Variants in CTNNA3 observed in about 807,000 individuals in gnomAD.
CTNNA3 encodes the protein catenin alpha-3.
A neutral mutation model predicts 95.7 loss-of-function variants in CTNNA3; 76 were observed. That is an observed-to-expected ratio of 0.79 (90% confidence interval 0.66 to 0.96). The LOEUF is 0.96. Ranked by LOEUF, CTNNA3 falls within the 40% of genes least tolerant of loss-of-function variation. The probability of loss-of-function intolerance (pLI) is 0.00; values close to 1 mark genes in which losing one functional copy is unlikely to be tolerated. For missense variants in CTNNA3, 1,191 were observed against 1,089.8 expected (o/e 1.09, Z -1.31); for synonymous variants, 431 against 374.4 (o/e 1.15, Z -1.74).
At chr10:67,604,613 A>G (rs1485931969) in intron 3 of CTNNA3, among the ~76,000 whole-genome samples, 4 of 152,206 alleles carry the variant, frequency 2.6e-5, no homozygotes, top group Non-Finnish European at 2.9e-5. Context: ...AATTCATTGA[A>G]CCTGACTGAT....
At chr10:66,823,135 T>C (rs758331222) in intron 7 of CTNNA3, among the ~76,000 whole-genome samples, 14 of 152,166 alleles carry the variant, frequency 9.2e-5, no homozygotes, top group Non-Finnish European at 1.8e-4. Flanking sequence ...AGAACTGTGT[T>C]TAGGAGTCTG....
intron 13 of CTNNA3, among the ~76,000 whole-genome samples, chr10:66,223,683 A>G (rs187914383): frequency 7.2e-5 from 11 of 152,354 alleles, no homozygotes; most frequent in African/African-American, 1.9e-4. Flanking sequence ...CTTGGTATAC[A>G]TGCCCAAGAT....
chr10:65,975,785 TTC>T (rs890097755), intron 16 of CTNNA3, among the ~76,000 whole-genome samples: 4 of 152,146 alleles, frequency 2.6e-5, no homozygotes, highest in African/African-American at 9.6e-5. Flanking sequence ...GAATTTAGTT[TTC>T]TCTGTTTCAT....
intron 13 of CTNNA3, among the ~76,000 whole-genome samples, chr10:66,172,474 CTTGT>C (rs2085483811): frequency 6.6e-6 from 1 of 151,674 alleles, no homozygotes; most frequent in Admixed American, 6.6e-5. Context: ...ACTTAACATT[CTTGT>C]TTATTTTATC....
intron 7 of CTNNA3, among the ~76,000 whole-genome samples, chr10:67,067,346 T>C (rs1260594893): frequency 2.6e-5 from 4 of 152,202 alleles, no homozygotes; most frequent in African/African-American, 9.6e-5. Flanking sequence ...AACCATATAC[T>C]AAGCAAAAAG....
In CTNNA3 at chr10:67,192,897, A is replaced by ATG. The variant is rs1863183862; in HGVS notation, c.844-12378_844-12377insCA. ...AAGAAATGGTCATATATATGTATAT[A>ATG]TACAACCACTTACAATAGAATAGTA... On this transcript the variant is annotated intron_variant, in intron 6 of 17. Transcript: ENST00000433211. Among the ~76,000 whole-genome samples, 32 of 152,150 alleles carry ATG rather than the reference A, an allele frequency of 2.1e-4. 1 individual carries two copies. The South Asian group carries it at 6.2e-3, about 30-fold the overall frequency.
intron 6 of CTNNA3, among the ~76,000 whole-genome samples, chr10:67,206,424 A>G (rs1345509516): frequency 1.3e-5 from 2 of 152,138 alleles, no homozygotes; most frequent in East Asian, 3.9e-4. Context: ...ATTGTTTTAA[A>G]TTATATTTCC....
chr10:66,298,614 G>A (rs536842149), intron 12 of CTNNA3, among the ~76,000 whole-genome samples: 17 of 152,030 alleles, frequency 1.1e-4, no homozygotes, highest in South Asian at 1.0e-3. Flanking sequence ...TTTCCCTTTC[G>A]TGGATATTTT....
rs184305721 is a variant in CTNNA3 at position 67,591,559 on chromosome 10, G to A, written c.292+15298C>T. Among the ~76,000 whole-genome samples, 293 of 152,032 alleles carry A rather than the reference G, an allele frequency of 1.9e-3. 1 individual carries two copies. The highest frequency in any genetic ancestry group is 6.7e-3 in the African/African-American group (280 of 41,494). On this transcript the variant is annotated intron_variant, in intron 3 of 17. Transcript: ENST00000433211. ...TAATATAATAAAGATTGAAACAGTT[G>A]GATTCAATGTCACATAGACATAGCT...
chr10:66,584,264 G>C (rs1344390850), intron 10 of CTNNA3, among the ~76,000 whole-genome samples: 1 of 151,816 alleles, frequency 6.6e-6, no homozygotes, highest in African/African-American at 2.4e-5. Context: ...TCTCTCTAGT[G>C]CTGTTAGAGG....
intron 7 of CTNNA3, among the ~76,000 whole-genome samples, chr10:66,784,397 G>A (rs12247807): frequency 0.17 from 25,876 of 152,016 alleles, 2,849 homozygotes; most frequent in African/African-American, 0.31. Flanking sequence ...TATTTGTTAT[G>A]AAACTTGATT....
intron 1 of CTNNA3, among the ~76,000 whole-genome samples, chr10:67,683,880 T>G (rs1840676205): frequency 6.6e-6 from 1 of 152,170 alleles, no homozygotes; most frequent in Non-Finnish European, 1.5e-5. Flanking sequence ...CCGGAGTGGT[T>G]TGTTCCTCCC....
intron 5 of CTNNA3, among the ~76,000 whole-genome samples, chr10:67,406,617 GA>G (rs1845146790): frequency 6.6e-6 from 1 of 151,632 alleles, no homozygotes. Context: ...CCTTTCAAAA[GA>G]TCAAAAATCC....
chr10:67,740,899 GGAACCAACCCAAAT>G (rs1841333337), intron 1 of CTNNA3, among the ~76,000 whole-genome samples: 1 of 151,194 alleles, frequency 6.6e-6, no homozygotes, highest in Admixed American at 6.6e-5. Context: ...GCAAAGACTT[GGAACCAACCCAAAT>G]GTCCAACAAT....
chr10:66,644,880 A>G (rs1259288715), intron 9 of CTNNA3, among the ~76,000 whole-genome samples: 1 of 152,116 alleles, frequency 6.6e-6, no homozygotes, highest in African/African-American at 2.4e-5. Flanking sequence ...TTGCCTTTTT[A>G]TAACTATATC....
chr10:66,608,506 A>C (rs1844211436), intron 10 of CTNNA3, among the ~76,000 whole-genome samples: 1 of 152,172 alleles, frequency 6.6e-6, no homozygotes, highest in Non-Finnish European at 1.5e-5. Flanking sequence ...CCTATGTAAA[A>C]AGAGTAAAGC....
chr10:66,463,305 C>T (rs896718430), intron 11 of CTNNA3, among the ~76,000 whole-genome samples: 1 of 152,090 alleles, frequency 6.6e-6, no homozygotes, highest in African/African-American at 2.4e-5. Flanking sequence ...TAAAAAGAGG[C>T]TGGCATCTCT....
intron 5 of CTNNA3, among the ~76,000 whole-genome samples, chr10:67,292,137 T>C (rs932545138): frequency 1.3e-5 from 2 of 151,650 alleles, no homozygotes; most frequent in African/African-American, 4.8e-5. Flanking sequence ...CGGGTGGGGG[T>C]CTTAAGACCT....
chr10:65,940,198 C>A (rs560359283), intron 17 of CTNNA3, among the ~76,000 whole-genome samples: 5 of 152,186 alleles, frequency 3.3e-5, no homozygotes, highest in Admixed American at 3.3e-4. Context: ...GATCTGTACT[C>A]TTCAATGTGG....
Sources: gnomAD v4.1 joint callset for allele counts (sites outside exome capture counted in the v4.1 genomes callset) on GRCh38, gnomAD v4.1.1 for gene constraint, MANE v1.5 for transcripts, NCBI Gene and HGNC (gene_info 2026-07-23, HGNC 2026-07-21) for gene names.